Variants in ZNF777 observed in about 807,000 individuals in gnomAD.
ZNF777 encodes zinc finger protein 777.
In ZNF777, 7 loss-of-function variants were observed where a neutral mutation model predicts 72.1. The ratio of observed to expected loss-of-function variants is 0.10; its 90% CI spans 0.06 to 0.18. The LOEUF (loss-of-function observed/expected upper bound fraction) is 0.18. ZNF777 is among the 10% of genes least tolerant of loss of function. ZNF777 has a pLI of 1.00. For synonymous variants in ZNF777, 545 were observed against 483.5 expected (o/e 1.13, Z -1.67); for missense variants, 828 against 1,128.6 (o/e 0.73, Z 3.82).
Position 149,432,671 on chromosome 7 carries a change from C to G in ZNF777, c.1601G>C (p.Ser534Thr). The change falls in exon 6 of 6, where the codon AGC becomes ACC. Residue 534 changes from serine (S) to threonine (T), a missense_variant. By Grantham distance (58) the Ser-to-Thr change is moderately conservative (BLOSUM62 1). Around this residue, in one of 12 missense-constraint regions of ZNF777, gnomAD observed 219 missense variants for 223.0 expected, o/e 0.98. Transcript: ENST00000247930. Reference protein sequence around the residue: ...RHLSENRGASSQQQRNRRGER... With the variant: ...RHLSENRGASTQQQRNRRGER... ...GCCGCGCCGGTTCCGCTGCTGCTGG[C>G]TCGAGGCCCCGCGGTTCTCGCTCAG... 1 of 1,613,146 alleles carries G rather than the reference C, an allele frequency of 6.2e-7. No individual in the cohort carries two copies. Among genetic ancestry groups the G allele is most frequent in the Non-Finnish European group, 8.5e-7 (1 of 1,179,638 alleles).
In ZNF777 at chr7:149,440,468, C is replaced by A. The variant is rs992306850; in HGVS notation, c.1088-3642G>T. On this transcript the variant is annotated intron_variant, in intron 4 of 5. Transcript: ENST00000247930. ...TCAACCTCCTGGCTCAAACCACCTGCCACCTCAGCCTCTAGAGTAGCTGGG... is the reference window on the plus strand; with the variant it reads ...TCAACCTCCTGGCTCAAACCACCTGACACCTCAGCCTCTAGAGTAGCTGGG... 1.8e-4 allele frequency among the ~76,000 whole-genome samples: 28 copies of A among 152,060 alleles called. No homozygotes were observed. In the East Asian group the frequency reaches 2.9e-3, roughly 16 times the overall value.
chr7:149,458,008 CT>C (rs991225852), intron 1 of ZNF777, among the ~76,000 whole-genome samples: 1 of 152,136 alleles, frequency 6.6e-6, no homozygotes, highest in Admixed American at 6.5e-5. Flanking sequence ...GCTCTGAATC[CT>C]TTTTACCTCT....
chr7:149,440,665 GTTTTTTTGTTTTTTTT>G (rs1261202203), intron 4 of ZNF777, among the ~76,000 whole-genome samples: 2 of 88,396 alleles, frequency 2.3e-5, no homozygotes, highest in Non-Finnish European at 4.2e-5. Context: ...GCAGCCTGTT[GTTTTTTTGTTTTTTTT>G]TTTTTTTTTT....
rs1799421291 is a variant in ZNF777 at position 149,436,854 on chromosome 7, G to A, written c.1088-28C>T. 1 of 1,592,880 alleles carries A rather than the reference G, an allele frequency of 6.3e-7. No individual in the cohort carries two copies. The highest frequency in any genetic ancestry group is 8.6e-7 in the Non-Finnish European group (1 of 1,163,654). ...GAGAGAGGGTGGGCAGGGGTGAGGA[G>A]GAGAAAAGAACCCAGAATGTTCATG... On this transcript the variant is annotated intron_variant, in intron 4 of 5. Coordinates refer to ENST00000247930, the MANE Select transcript of ZNF777 (RefSeq NM_015694.3). This position sits in a 1 kb window ranked among gnomAD's most constrained non-coding sequence, Gnocchi z 5.0.
At chr7:149,456,166 G>T in intron 1 of ZNF777, 129 bp from the exon 2 acceptor site, 1 of 969,254 alleles carries the variant, frequency 1.0e-6, no homozygotes, top group Non-Finnish European at 1.4e-6. Flanking sequence ...CCCCTCATAT[G>T]TGAATCTCTT....
At position 149,455,174 on chromosome 7, in the gene ZNF777, T is replaced by G. The variant is rs148225083; in HGVS notation, c.846+3A>C. ...TGGGAAGCCCCAGTTGGGATGTGCT[T>G]ACCTTGGGAACTTCTCCATTGCTGC... is the stretch of plus-strand genomic sequence containing the variant. On this transcript the variant is annotated splice_donor_region_variant and intron_variant, in intron 2 of 5. Coordinates refer to ENST00000247930, the MANE Select transcript of ZNF777 (RefSeq NM_015694.3). The surrounding 1 kb of genome is among the most constrained non-coding windows in gnomAD (Gnocchi z 4.2). 1.1e-4 allele frequency: 182 copies of G among 1,609,092 alleles called. 1 individual carries two copies. The African/African-American group carries it at 2.3e-3, about 20-fold the overall frequency.
At chr7:149,459,739 C>G (rs1799907821) in intron 1 of ZNF777, 3 of 985,098 alleles carry the variant, frequency 3.0e-6, no homozygotes, top group Non-Finnish European at 3.6e-6. Context: ...ATGGGAGAGC[C>G]GCGTCAGCGC....
chr7:149,431,626 T>G lies in ZNF777; in HGVS notation c.*150A>C, dbSNP rs1174156663. 1.2e-6 allele frequency: 1 copy of G among 823,532 alleles called. No individual in the cohort carries two copies. The highest frequency in any genetic ancestry group is 3.0e-5 in the Admixed American group (1 of 32,824). The allele number at this position is 823,532 out of a possible 1,614,324, so 51.0% of individuals were successfully genotyped here. On this transcript the variant is annotated 3_prime_UTR_variant, in exon 6 of 6. Coordinates refer to ENST00000247930, the MANE Select transcript of ZNF777 (RefSeq NM_015694.3). The stretch of plus-strand genomic sequence containing the variant: ...GGGACCTGGTCTCACTGCCCCCATG[T>G]CCTTGGGAGGAGGGACGAGAGGAGA...
chr7:149,438,996 T>G (rs1338457780), intron 4 of ZNF777, among the ~76,000 whole-genome samples: 1 of 152,082 alleles, frequency 6.6e-6, no homozygotes, highest in Non-Finnish European at 1.5e-5. Context: ...TGTGTCCTAT[T>G]CTCTATTAAA....
At chr7:149,445,197 A>C (rs1333946231) in intron 4 of ZNF777, among the ~76,000 whole-genome samples, 2 of 152,000 alleles carry the variant, frequency 1.3e-5, no homozygotes, top group African/African-American at 4.8e-5. Flanking sequence ...TTCCTTTTTT[A>C]AAAAACAAGC....
At chr7:149,451,238 C>G in intron 3 of ZNF777, 126 bp from the exon 4 acceptor site, 1 of 750,180 alleles carries the variant, frequency 1.3e-6, no homozygotes, top group Non-Finnish European at 2.2e-6. Context: ...TGGAAAACCG[C>G]CAAGTCTCCC....
chr7:149,432,148 G>A lies in ZNF777; in HGVS notation c.2124C>T (p.His708=). 1 of 1,604,906 alleles carries A rather than the reference G, an allele frequency of 6.2e-7. No homozygotes were observed. Among genetic ancestry groups the A allele is most frequent in the Non-Finnish European group, 8.5e-7 (1 of 1,179,860 alleles). Residue 708 remains histidine (H), a synonymous_variant, in exon 6 of 6, where the codon CAC becomes CAT. Transcript: ENST00000247930. ...TGTGAGTCCGCTGGTGGCGCAGCAGGTGCGAGGGGCGGCTGAAGCTCTTGC... is the reference window on the plus strand; with the variant it reads ...TGTGAGTCCGCTGGTGGCGCAGCAGATGCGAGGGGCGGCTGAAGCTCTTGC... ...LCGKSFSRPS[H]LLRHQRTHTG...
rs796956229 is a variant in ZNF777 at position 149,440,665 on chromosome 7, G to T, written c.1088-3839C>A. ...GAGCCACCATGCCCAGCAGCCTGTT[G>T]TTTTTTTGTTTTTTTTTTTTTTTTT... On this transcript the variant is annotated intron_variant, in intron 4 of 5. Coordinates refer to ENST00000247930, the MANE Select transcript of ZNF777 (RefSeq NM_015694.3). Among the ~76,000 whole-genome samples, 286 of 88,398 alleles carry T rather than the reference G, an allele frequency of 3.2e-3. 3 individuals carry two copies. Among genetic ancestry groups the T allele is most frequent in the African/African-American group, 0.014 (261 of 18,758 alleles). 58.0% of individuals were successfully genotyped at this position (88,398 alleles called of 152,430 possible).
chr7:149,453,853 T>C (rs549705303), intron 3 of ZNF777, among the ~76,000 whole-genome samples: 1 of 152,348 alleles, frequency 6.6e-6, no homozygotes, highest in South Asian at 2.1e-4. Flanking sequence ...AGACCACTGA[T>C]GTCTAGGTCT....
Position 149,436,661 on chromosome 7 carries a change from G to C in ZNF777, c.1253C>G (p.Pro418Arg). 6.2e-7 allele frequency: 1 copy of C among 1,614,078 alleles called. No individual in the cohort carries two copies. The change falls in exon 5 of 6, where the codon CCA (proline) becomes CGA (arginine). Residue 418 changes from proline (P) to arginine (R), a missense_variant. This residue lies in a region of ZNF777 where 219 missense variants were observed against 223.0 expected (regional missense o/e 0.98). Coordinates refer to ENST00000247930, the MANE Select transcript of ZNF777 (RefSeq NM_015694.3). This position sits in a 1 kb window ranked among gnomAD's most constrained non-coding sequence, Gnocchi z 5.0. Reference protein sequence around the residue: ...GEQPDLDMQEPENTLEESTEG... With the variant: ...GEQPDLDMQERENTLEESTEG... ...CGTGGACTCCTCCAGCGTGTTCTCT[G>C]GCTCCTGCATGTCCAGGTCTGGCTG...
chr7:149,439,419 A>T (rs1799469750), intron 4 of ZNF777, among the ~76,000 whole-genome samples: 2 of 152,228 alleles, frequency 1.3e-5, no homozygotes, highest in Admixed American at 6.5e-5. Flanking sequence ...ACTGCAAAAG[A>T]TGTAATTTCT....
chr7:149,433,914 C>T (rs1311593160), intron 5 of ZNF777, among the ~76,000 whole-genome samples: 1 of 152,218 alleles, frequency 6.6e-6, no homozygotes, highest in Non-Finnish European at 1.5e-5. Flanking sequence ...TATTTTTAGT[C>T]ACCAGCTTTG....
intron 4 of ZNF777, among the ~76,000 whole-genome samples, chr7:149,437,093 A>G (rs930385617): frequency 2.0e-5 from 3 of 151,984 alleles, no homozygotes; most frequent in African/African-American, 7.3e-5. Context: ...AATATTCAGC[A>G]TTGTCAGGGT....
Position 149,436,703 on chromosome 7 carries a change from C to T in ZNF777, c.1211G>A (p.Gly404Asp). 6.2e-7 allele frequency: 1 copy of T among 1,614,180 alleles called. No homozygotes were observed. Among genetic ancestry groups the T allele is most frequent in the Non-Finnish European group, 8.5e-7 (1 of 1,180,028 alleles). ...EEHGFQDSELGDPCGEQPDLD... is the reference protein window; with the variant it reads ...EEHGFQDSELDDPCGEQPDLD... ...GTCTGGCTGTTCCCCACAGGGGTCACCCAGCTCTGAGTCCTGGAAGCCGTG... is the reference window on the plus strand; with the variant it reads ...GTCTGGCTGTTCCCCACAGGGGTCATCCAGCTCTGAGTCCTGGAAGCCGTG... The change falls in exon 5 of 6, where the codon GGT becomes GAT. Residue 404 changes from glycine to aspartate, a missense_variant. Transcript: ENST00000247930. The surrounding 1 kb of genome is among the most constrained non-coding windows in gnomAD (Gnocchi z 5.0).
Sources: gnomAD v4.1 joint callset for allele counts (sites outside exome capture counted in the v4.1 genomes callset) on GRCh38, gnomAD v4.1.1 for gene constraint, gnomAD v4.1.1 regional missense constraint, Gnocchi (gnomAD v3.1) non-coding constraint, MANE v1.5 for transcripts, NCBI Gene and HGNC (gene_info 2026-07-23, HGNC 2026-07-21) for gene names.